SNTG1: variants seen among roughly 807,000 people sequenced by gnomAD.
The protein encoded by SNTG1 is gamma-1-syntrophin.
A neutral mutation model predicts 74.7 loss-of-function variants in SNTG1; 39 were observed. The observed-to-expected ratio is 0.52, with a 90% CI of 0.40 to 0.68. The LOEUF (loss-of-function observed/expected upper bound fraction) is 0.68. Among genes scored for constraint, SNTG1 ranks in the 30% least tolerant of loss-of-function variants. The pLI is 0.00. For synonymous variants in SNTG1, 254 were observed against 217.1 expected (o/e 1.17, Z -1.49); for missense variants, 685 against 609.5 (o/e 1.12, Z -1.30).
chr8:50,388,476 C>A (rs1282659244), intron 2 of SNTG1, among the ~76,000 whole-genome samples: 8 of 152,056 alleles, frequency 5.3e-5, no homozygotes, highest in African/African-American at 1.9e-4. Flanking sequence ...ATTCCTGAAA[C>A]CCCAAAACCA....
intron 1 of SNTG1, among the ~76,000 whole-genome samples, chr8:50,135,231 T>C (rs1194011873): frequency 6.6e-6 from 1 of 152,236 alleles, no homozygotes; most frequent in Admixed American, 6.5e-5. Context: ...GCTTTCTGAA[T>C]GAAGTTCGGC....
intron 2 of SNTG1, among the ~76,000 whole-genome samples, chr8:50,235,253 C>T (rs1321270344): frequency 6.6e-6 from 1 of 152,004 alleles, no homozygotes; most frequent in African/African-American, 2.4e-5. Flanking sequence ...TAGTGGAATA[C>T]TACTCTGTCA....
chr8:50,111,916 T>C lies in SNTG1; in HGVS notation c.-102-60645T>C, dbSNP rs114463688. ...GAGTTAAAAAACTCACAAAGGAAGATATAACAAAAATAATACTTTAGGCCA... is the reference window on the plus strand; with the variant it reads ...GAGTTAAAAAACTCACAAAGGAAGACATAACAAAAATAATACTTTAGGCCA... On this transcript the variant is annotated intron_variant, in intron 1 of 18. Transcript: ENST00000642720. Among the ~76,000 whole-genome samples, 1,037 of 152,178 alleles carry C rather than the reference T, an allele frequency of 6.8e-3. 9 individuals carry two copies. The highest frequency in any genetic ancestry group is 0.024 in the African/African-American group (996 of 41,534).
chr8:50,344,367 C>G (rs2091411027), intron 2 of SNTG1, among the ~76,000 whole-genome samples: 1 of 152,158 alleles, frequency 6.6e-6, no homozygotes, highest in Non-Finnish European at 1.5e-5. Flanking sequence ...CTTGTTTCTG[C>G]TCCATGGTTG....
chr8:49,960,581 A>G (rs1174722305), intron 1 of SNTG1, among the ~76,000 whole-genome samples: 1 of 152,130 alleles, frequency 6.6e-6, no homozygotes, highest in Non-Finnish European at 1.5e-5. Context: ...GGTGCCTTAT[A>G]GCCATAAGAT....
intron 1 of SNTG1, among the ~76,000 whole-genome samples, chr8:50,087,669 T>C (rs1823023043): frequency 6.6e-6 from 1 of 152,172 alleles, no homozygotes; most frequent in African/African-American, 2.4e-5. Flanking sequence ...TTTCAAAGTA[T>C]ATGAGGATAA....
At chr8:49,926,663 T>C (rs552521406) in intron 1 of SNTG1, among the ~76,000 whole-genome samples, 1 of 152,234 alleles carries the variant, frequency 6.6e-6, no homozygotes, top group African/African-American at 2.4e-5. Context: ...AGAGAAAATA[T>C]AGATGACCTT....
intron 1 of SNTG1, among the ~76,000 whole-genome samples, chr8:50,168,166 A>T (rs1476424697): frequency 1.3e-5 from 2 of 151,378 alleles, no homozygotes; most frequent in African/African-American, 2.4e-5. Context: ...ATATTTCCCA[A>T]CTTCCTGAAA....
At chr8:50,497,819 A>G (rs1280706736) in intron 8 of SNTG1, among the ~76,000 whole-genome samples, 1 of 151,994 alleles carries the variant, frequency 6.6e-6, no homozygotes, top group African/African-American at 2.4e-5. Context: ...GGCGCTATAC[A>G]TTTGTTTACA....
At chr8:50,526,455 G>T (rs766515403) in intron 9 of SNTG1, among the ~76,000 whole-genome samples, 3 of 151,888 alleles carry the variant, frequency 2.0e-5, no homozygotes, top group African/African-American at 7.3e-5. Flanking sequence ...AGCTTACCTG[G>T]GTTACTGTGA....
intron 13 of SNTG1, among the ~76,000 whole-genome samples, chr8:50,634,232 A>G (rs1327416098): frequency 6.6e-6 from 1 of 152,214 alleles, no homozygotes; most frequent in African/African-American, 2.4e-5. Flanking sequence ...TCTGTTGCCA[A>G]TAGCTTAGCT....
At chr8:50,448,595 C>T (rs2093427061) in intron 5 of SNTG1, among the ~76,000 whole-genome samples, 1 of 152,124 alleles carries the variant, frequency 6.6e-6, no homozygotes, top group Admixed American at 6.6e-5. Flanking sequence ...GATTTCATTT[C>T]TCTACTACTG....
chr8:50,151,678 A>G (rs956893161), intron 1 of SNTG1, among the ~76,000 whole-genome samples: 2 of 152,198 alleles, frequency 1.3e-5, no homozygotes, highest in Non-Finnish European at 2.9e-5. Context: ...CCCAGTAGTC[A>G]TTCATGAGCA....
At chr8:50,750,583 C>G (rs2095565046) in intron 17 of SNTG1, among the ~76,000 whole-genome samples, 1 of 151,850 alleles carries the variant, frequency 6.6e-6, no homozygotes, top group Admixed American at 6.6e-5. Context: ...CACAGCCACC[C>G]CAACCACCAG....
At chr8:50,450,478 CTTTA>C (rs2093445605) in intron 6 of SNTG1, 74 bp from the exon 7 acceptor site, 1 of 1,439,642 alleles carries the variant, frequency 6.9e-7, no homozygotes, top group African/African-American at 1.4e-5. Context: ...TAAATTTTAC[CTTTA>C]TTTAATTAAA....
At chr8:50,038,205 C>T (rs1185065413) in intron 1 of SNTG1, among the ~76,000 whole-genome samples, 2 of 152,138 alleles carry the variant, frequency 1.3e-5, no homozygotes, top group East Asian at 3.9e-4. Context: ...CTTTTCCACC[C>T]TTCCCTCTGG....
At chr8:50,028,639 T>C (rs1817482074) in intron 1 of SNTG1, among the ~76,000 whole-genome samples, 1 of 151,830 alleles carries the variant, frequency 6.6e-6, no homozygotes, top group African/African-American at 2.4e-5. Flanking sequence ...TACCTAATGC[T>C]AGATGACGAG....
intron 2 of SNTG1, among the ~76,000 whole-genome samples, chr8:50,260,139 A>G (rs1390959213): frequency 1.3e-5 from 2 of 152,192 alleles, no homozygotes; most frequent in Non-Finnish European, 2.9e-5. Context: ...AAAACCAAAT[A>G]GTTTACTAGA....
Position 50,401,130 on chromosome 8 carries a change from G to C in SNTG1, c.28-1080G>C, listed in dbSNP as rs966501207. On this transcript the variant is annotated intron_variant, in intron 3 of 18. Transcript: ENST00000642720. ...TAATTAATTAACTCTGAGGATAAATGTATATCCCCATATATATATTCCACT... is the reference window on the plus strand; with the variant it reads ...TAATTAATTAACTCTGAGGATAAATCTATATCCCCATATATATATTCCACT... 3.3e-5 allele frequency among the ~76,000 whole-genome samples: 5 copies of C among 152,064 alleles called. No homozygotes were observed. The East Asian group carries it at 9.7e-4, about 29-fold the overall frequency.
Sources: gnomAD v4.1 joint callset for allele counts (sites outside exome capture counted in the v4.1 genomes callset) on GRCh38, gnomAD v4.1.1 for gene constraint, MANE v1.5 for transcripts, NCBI Gene and HGNC (gene_info 2026-07-23, HGNC 2026-07-21) for gene names.